Variants in TMCC1 observed in about 807,000 individuals in gnomAD.
The protein encoded by TMCC1 is transmembrane and coiled-coil domain family 1, also known as transmembrane and coiled-coil domains protein 1.
Under a neutral mutation model 52.4 loss-of-function variants are expected in TMCC1, and 15 were observed. The observed-to-expected ratio is 0.29, with a 90% CI of 0.19 to 0.44. The LOEUF (loss-of-function observed/expected upper bound fraction) is 0.44. TMCC1 is among the 20% of genes least tolerant of loss of function. The probability of loss-of-function intolerance (pLI) is 1.00; values close to 1 mark genes in which losing one functional copy is unlikely to be tolerated. For missense variants in TMCC1, 503 were observed against 806.0 expected (o/e 0.62, Z 4.55); for synonymous variants, 279 against 301.9 (o/e 0.92, Z 0.79).
intron 2 of TMCC1, among the ~76,000 whole-genome samples, chr3:129,872,226 G>T (rs2060963622): frequency 6.6e-6 from 1 of 152,056 alleles, no homozygotes; most frequent in Non-Finnish European, 1.5e-5. Context: ...CTGGTTTCAG[G>T]CAATATGGCT....
At chr3:129,884,262 T>C (rs1179423019) in intron 1 of TMCC1, among the ~76,000 whole-genome samples, 1 of 152,088 alleles carries the variant, frequency 6.6e-6, no homozygotes, top group Admixed American at 6.6e-5. Flanking sequence ...TATACACGCA[T>C]ACTGGACAAA....
chr3:129,877,988 C>T (rs1209332755), intron 2 of TMCC1, among the ~76,000 whole-genome samples: 2 of 142,514 alleles, frequency 1.4e-5, no homozygotes, highest in South Asian at 2.2e-4. Context: ...GACAGAGTTT[C>T]GCTCTTTTAG....
At chr3:129,841,393 T>C (rs2059416894) in intron 2 of TMCC1, among the ~76,000 whole-genome samples, 1 of 151,988 alleles carries the variant, frequency 6.6e-6, no homozygotes, top group Admixed American at 6.6e-5. Flanking sequence ...TCGAGACCAA[T>C]CTGGCCAATA....
At chr3:129,652,859 AT>A (rs2086427909) in intron 6 of TMCC1, among the ~76,000 whole-genome samples, 3 of 152,148 alleles carry the variant, frequency 2.0e-5, no homozygotes, top group Admixed American at 1.3e-4. Context: ...TTGATTTAGG[AT>A]TTTACCTACA....
intron 2 of TMCC1, among the ~76,000 whole-genome samples, chr3:129,842,516 AGATG>A: frequency 1.3e-5 from 2 of 152,078 alleles, no homozygotes; most frequent in Admixed American, 1.3e-4. Flanking sequence ...GTAAGCAGAT[AGATG>A]TGACCTCAAC....
chr3:129,693,280 T>C (rs764459081), intron 4 of TMCC1, among the ~76,000 whole-genome samples: 49 of 152,156 alleles, frequency 3.2e-4, no homozygotes, highest in African/African-American at 2.7e-4. Flanking sequence ...TGGCTTTATG[T>C]TGGATTATGT....
chr3:129,723,926 T>TC (rs2049863382), intron 4 of TMCC1, among the ~76,000 whole-genome samples: 1 of 151,580 alleles, frequency 6.6e-6, no homozygotes, highest in African/African-American at 2.4e-5. Context: ...TTTTTTTTTT[T>TC]TTTTTAAAAG....
chr3:129,696,753 T>G (rs546623191), intron 4 of TMCC1, among the ~76,000 whole-genome samples: 1 of 152,150 alleles, frequency 6.6e-6, no homozygotes, highest in African/African-American at 2.4e-5. Flanking sequence ...CCATTCCACA[T>G]GGGAGAAACT....
intron 2 of TMCC1, among the ~76,000 whole-genome samples, chr3:129,842,265 A>G (rs973821733): frequency 2.6e-5 from 4 of 152,280 alleles, no homozygotes; most frequent in Non-Finnish European, 2.9e-5. Flanking sequence ...TAGGAGTTCA[A>G]GACCAGCCTG....
At chr3:129,682,094 T>C (rs1032309009) in intron 4 of TMCC1, among the ~76,000 whole-genome samples, 2 of 152,086 alleles carry the variant, frequency 1.3e-5, no homozygotes, top group African/African-American at 4.8e-5. Flanking sequence ...TATTTTGCAC[T>C]GAAATTATCT....
chr3:129,866,351 C>T (rs1330765875), intron 2 of TMCC1, among the ~76,000 whole-genome samples: 4 of 137,122 alleles, frequency 2.9e-5, no homozygotes, highest in African/African-American at 1.1e-4. Flanking sequence ...ATTATATATA[C>T]ATAATATATA....
chr3:129,703,325 T>C (rs1262971985), intron 4 of TMCC1, among the ~76,000 whole-genome samples: 1 of 152,212 alleles, frequency 6.6e-6, no homozygotes, highest in African/African-American at 2.4e-5. Flanking sequence ...TTAAAATGTG[T>C]TAACAAAAAG....
intron 1 of TMCC1, among the ~76,000 whole-genome samples, chr3:129,882,876 G>T (rs1445289311): frequency 6.6e-6 from 1 of 152,124 alleles, no homozygotes; most frequent in Admixed American, 6.5e-5. Context: ...GGGGGTCTGG[G>T]GAGTTAGTGT....
In TMCC1 at chr3:129,680,760, G is replaced by A. The variant is rs1387819598; in HGVS notation, c.577-9496C>T. On this transcript the variant is annotated intron_variant, in intron 4 of 6. Coordinates refer to ENST00000393238, the MANE Select transcript of TMCC1 (RefSeq NM_001017395.5). Reference sequence around the variant, plus strand: ...TACTAAAAATACAAAAACTAGCCAGGCATGGTGGTGCACGCCTGTAATCCG... The same window carrying A: ...TACTAAAAATACAAAAACTAGCCAGACATGGTGGTGCACGCCTGTAATCCG... Among the ~76,000 whole-genome samples the A allele has an allele frequency of 8.5e-5, 13 of 152,214 alleles. No individual in the cohort carries two copies. The East Asian group carries it at 2.5e-3, about 29-fold the overall frequency.
At chr3:129,735,930 G>C (rs577444339) in intron 4 of TMCC1, among the ~76,000 whole-genome samples, 2 of 152,196 alleles carry the variant, frequency 1.3e-5, no homozygotes, top group African/African-American at 2.4e-5. Flanking sequence ...CTGACCTTCT[G>C]GGGGGACTCC....
chr3:129,769,753 A>G (rs541391228), intron 4 of TMCC1, among the ~76,000 whole-genome samples: 15 of 152,188 alleles, frequency 9.9e-5, no homozygotes, highest in Admixed American at 4.6e-4. Context: ...TATGTTTTAC[A>G]TTTCTACTTT....
rs2087833693 is a variant in TMCC1 at position 129,670,455 on chromosome 3, T to A, written c.1386A>T (p.Leu462=). 2 of 1,614,088 alleles carry A rather than the reference T, an allele frequency of 1.2e-6. No individual in the cohort carries two copies. Among genetic ancestry groups the A allele is most frequent in the Non-Finnish European group, 1.7e-6 (2 of 1,180,038 alleles). Residue 462 remains leucine (L), a synonymous_variant, in exon 5 of 7, where the codon CTA becomes CTT. Coordinates refer to ENST00000393238, the MANE Select transcript of TMCC1 (RefSeq NM_001017395.5). ...CCCGGATCTCCTGGATCTCATGTAG[T>A]AGTGCATCAAATCCTGAGCTCTGCA... is the stretch of plus-strand genomic sequence containing the variant. ...LDMQSSGFDA[L]LHEIQEIRET... is the part of the protein sequence containing the mutation.
chr3:129,680,907 A>G (rs1461187288), intron 4 of TMCC1, among the ~76,000 whole-genome samples: 4 of 152,050 alleles, frequency 2.6e-5, no homozygotes, highest in African/African-American at 9.7e-5. Context: ...CTCAAAAAAA[A>G]AAAAAAGGAA....
chr3:129,659,141 C>T lies in TMCC1; in HGVS notation c.1512-4038G>A, dbSNP rs551601840. ...AAGAGATGGGGTCTTGCTCTGTCAC[C>T]CAGGGTGGAGTGCAGTGGTGCAATC... On this transcript the variant is annotated intron_variant, in intron 5 of 6. Transcript: ENST00000393238. 1.9e-3 allele frequency among the ~76,000 whole-genome samples: 284 copies of T among 149,526 alleles called. 1 individual carries two copies. Among genetic ancestry groups the T allele is most frequent in the Non-Finnish European group, 3.1e-3 (211 of 67,556 alleles).
Sources: gnomAD v4.1 joint callset for allele counts (sites outside exome capture counted in the v4.1 genomes callset) on GRCh38, gnomAD v4.1.1 for gene constraint, MANE v1.5 for transcripts, NCBI Gene and HGNC (gene_info 2026-07-23, HGNC 2026-07-21) for gene names.